Variants in NT5M observed in about 807,000 individuals in gnomAD.
NT5M encodes the protein 5',3'-nucleotidase, mitochondrial.
A neutral mutation model predicts 22.2 loss-of-function variants in NT5M; 22 were observed. That is an observed-to-expected ratio of 0.99 (90% confidence interval 0.71 to 1.41). The LOEUF (loss-of-function observed/expected upper bound fraction) is 1.41, where lower values mean the gene tolerates loss of function less well. Among genes scored for constraint, NT5M ranks in the 40% most tolerant of loss-of-function variants. The pLI is 0.00. For missense variants in NT5M, 322 were observed against 314.8 expected (o/e 1.02, Z -0.17); for synonymous variants, 167 against 133.0 (o/e 1.26, Z -1.76).
In NT5M at chr17:17,347,250, G is replaced by C. The variant is rs1272432398; in HGVS notation, c.*303G>C. ...AGGACAGGGAGGAGTTGAGGCCACT[G>C]TTCAGGGGGCTGGTGGCCGTCTCCA... is the stretch of plus-strand genomic sequence containing the variant. On this transcript the variant is annotated 3_prime_UTR_variant, in exon 5 of 5. Transcript: ENST00000389022. 5.4e-6 allele frequency: 2 copies of C among 370,450 alleles called. No homozygotes were observed. The highest frequency in any genetic ancestry group is 4.2e-5 in the African/African-American group (2 of 47,330). The allele number at this position is 370,450 out of a possible 1,614,324, so 22.9% of individuals were successfully genotyped here.
Position 17,347,258 on chromosome 17 carries a change from G to A in NT5M, c.*311G>A. 2.9e-6 allele frequency: 1 copy of A among 346,828 alleles called. No individual in the cohort carries two copies. The highest frequency in any genetic ancestry group is 4.5e-5 in the Admixed American group (1 of 22,122). 21.5% of individuals were successfully genotyped at this position (346,828 alleles called of 1,614,324 possible). ...GAGGAGTTGAGGCCACTGTTCAGGG[G>A]GCTGGTGGCCGTCTCCACTCCCTAG... On this transcript the variant is annotated 3_prime_UTR_variant, in exon 5 of 5. Coordinates refer to ENST00000389022, the MANE Select transcript of NT5M (RefSeq NM_020201.4).
At chr17:17,304,715 A>T (rs1021232150) in intron 1 of NT5M, among the ~76,000 whole-genome samples, 7 of 152,116 alleles carry the variant, frequency 4.6e-5, no homozygotes, top group Non-Finnish European at 8.8e-5. Flanking sequence ...AACTTGCCCC[A>T]AGTCACATGC....
At chr17:17,342,048 A>C (rs2049654574) in intron 3 of NT5M, among the ~76,000 whole-genome samples, 1 of 152,060 alleles carries the variant, frequency 6.6e-6, no homozygotes, top group African/African-American at 2.4e-5. Flanking sequence ...AAAAAAAAAA[A>C]TTAACCCCAA....
intron 2 of NT5M, among the ~76,000 whole-genome samples, chr17:17,310,382 A>G (rs540532681): frequency 3.3e-5 from 5 of 152,090 alleles, no homozygotes; most frequent in African/African-American, 1.2e-4. Flanking sequence ...TGTCTCTACA[A>G]AAAATACAAA....
intron 2 of NT5M, among the ~76,000 whole-genome samples, chr17:17,321,553 C>T (rs1306435728): frequency 1.3e-5 from 2 of 150,582 alleles, no homozygotes; most frequent in Non-Finnish European, 1.5e-5. Flanking sequence ...CCTGGCTGTG[C>T]CCAGAGCACC....
chr17:17,330,149 A>T (rs1374887687), intron 3 of NT5M, among the ~76,000 whole-genome samples: 1 of 151,292 alleles, frequency 6.6e-6, no homozygotes. Flanking sequence ...AAATACAAAA[A>T]ATTAGCCGAG....
chr17:17,303,866 C>T (rs1332342875), intron 1 of NT5M, 49 bp downstream of exon 1: 2 of 1,329,516 alleles, frequency 1.5e-6, no homozygotes, highest in Admixed American at 3.4e-5. Flanking sequence ...TCGCCCCGAG[C>T]CCCAGACACC....
intron 2 of NT5M, among the ~76,000 whole-genome samples, chr17:17,307,311 A>G (rs911092021): frequency 6.6e-6 from 1 of 152,040 alleles, no homozygotes; most frequent in Non-Finnish European, 1.5e-5. Context: ...CTTCTAGTCC[A>G]GACAGAGCAG....
chr17:17,314,511 C>T (rs746303024), intron 2 of NT5M, among the ~76,000 whole-genome samples: 1 of 152,122 alleles, frequency 6.6e-6, no homozygotes, highest in African/African-American at 2.4e-5. Context: ...TATAGATTTA[C>T]AAATTGATAT....
intron 1 of NT5M, among the ~76,000 whole-genome samples, chr17:17,305,753 C>T (rs2048787048): frequency 6.6e-6 from 1 of 152,006 alleles, no homozygotes; most frequent in South Asian, 2.1e-4. Context: ...TTGCCTGACC[C>T]TAGAAAAGGT....
chr17:17,307,367 T>C (rs2048825784), intron 2 of NT5M, among the ~76,000 whole-genome samples: 1 of 152,126 alleles, frequency 6.6e-6, no homozygotes. Context: ...CTCACGCCTG[T>C]AATCCCAGCA....
At position 17,345,627 on chromosome 17, in the gene NT5M, G is replaced by C. The variant is rs1170268446; in HGVS notation, c.544+719G>C. On this transcript the variant is annotated intron_variant, in intron 4 of 4. Transcript: ENST00000389022. Reference sequence around the variant, plus strand: ...CCTGGGCAACATGGTGAGACTCCCTGTCTCTACAAAAAAAAAAAAAAAAAC... The same window carrying C: ...CCTGGGCAACATGGTGAGACTCCCTCTCTCTACAAAAAAAAAAAAAAAAAC... Among the ~76,000 whole-genome samples, 14 of 129,322 alleles carry C rather than the reference G, an allele frequency of 1.1e-4. No individual in the cohort carries two copies. The Admixed American group carries it at 1.2e-3, about 11-fold the overall frequency. 84.8% of individuals were successfully genotyped at this position (129,322 alleles called of 152,430 possible).
chr17:17,346,724 C>G, intron 4 of NT5M, 81 bp from the exon 5 acceptor site: 1 of 1,558,090 alleles, frequency 6.4e-7, no homozygotes, highest in East Asian at 2.2e-5. Context: ...CAGATGCCTG[C>G]CTGGATACCC....
At chr17:17,311,230 C>A (rs901002119) in intron 2 of NT5M, among the ~76,000 whole-genome samples, 1 of 151,602 alleles carries the variant, frequency 6.6e-6, no homozygotes, top group Non-Finnish European at 1.5e-5. Context: ...CCCAGCTACT[C>A]AGGAGGCTGA....
intron 3 of NT5M, among the ~76,000 whole-genome samples, chr17:17,324,138 G>A (rs1020292525): frequency 5.3e-5 from 8 of 150,772 alleles, no homozygotes; most frequent in Admixed American, 1.3e-4. Flanking sequence ...GCCTCCCAAC[G>A]TGCTGGGATT....
chr17:17,313,640 G>A (rs1030212578), intron 2 of NT5M, among the ~76,000 whole-genome samples: 2 of 152,186 alleles, frequency 1.3e-5, no homozygotes, highest in African/African-American at 2.4e-5. Context: ...AGGGGCTGCG[G>A]GGACACAAAT....
In NT5M at chr17:17,346,786, GC is replaced by G; in HGVS notation, c.545-17del. The stretch of plus-strand genomic sequence containing the variant: ...CCAGGTCTCCACTGCTGAGCTGAAT[GC>G]CGCTTTCCCACCCACAGGGGCCGAG... On this transcript the variant is annotated intron_variant, in intron 4 of 4. Transcript: ENST00000389022. 6.2e-7 allele frequency: 1 copy of G among 1,605,454 alleles called. No homozygotes were observed. Among genetic ancestry groups the G allele is most frequent in the East Asian group, 2.2e-5 (1 of 44,886 alleles).
chr17:17,324,396 A>T (rs942748187), intron 3 of NT5M, among the ~76,000 whole-genome samples: 22 of 151,274 alleles, frequency 1.5e-4, no homozygotes, highest in African/African-American at 5.3e-4. Context: ...AGGCATGAGA[A>T]TTGCTTGAAC....
chr17:17,319,077 G>A (rs2049096867), intron 2 of NT5M, among the ~76,000 whole-genome samples: 1 of 151,982 alleles, frequency 6.6e-6, no homozygotes. Context: ...TGAGCGTGTT[G>A]GTGGGTGCCT....
Sources: allele counts gnomAD v4.1 joint callset (sites outside exome capture counted in the v4.1 genomes callset), GRCh38; gene constraint gnomAD v4.1.1; transcripts MANE v1.5; gene names NCBI Gene and HGNC (gene_info 2026-07-23, HGNC 2026-07-21).